Variants in RIPPLY2 observed in about 807,000 individuals in gnomAD.
RIPPLY2 encodes protein ripply2.
Under a neutral mutation model 17.7 loss-of-function variants are expected in RIPPLY2, and 20 were observed. The ratio of observed to expected loss-of-function variants is 1.13; its 90% CI spans 0.79 to 1.64. The LOEUF is 1.64. RIPPLY2 is among the 40% of genes most tolerant of loss of function. RIPPLY2 has a pLI of 0.00. For missense variants in RIPPLY2, 213 were observed against 169.8 expected, an observed-to-expected ratio of 1.25 and a Z score of -1.41; for synonymous variants, 69 against 63.9, an observed-to-expected ratio of 1.08 and a Z score of -0.38.
upstream of RIPPLY2, chr6:83,853,282 G>A: frequency 1.5e-6 from 1 of 657,600 alleles, no homozygotes. Context: ...AGCAGGGAGA[G>A]GGGCGGAGAG....
chr6:83,856,275 T>A (rs1268602778), intron 3 of RIPPLY2: 1 of 152,178 alleles, frequency 6.6e-6, no homozygotes, highest in Non-Finnish European at 1.5e-5. Context: ...AATATAAACT[T>A]TTTTTATGAT....
chr6:83,854,134 AG>A lies in RIPPLY2; in HGVS notation c.213del (p.Lys71AsnfsTer30), dbSNP rs1409458684. On this transcript the variant is annotated frameshift_variant, in exon 3 of 4. Coordinates refer to ENST00000369689, the MANE Select transcript of RIPPLY2 (RefSeq NM_001009994.3). LOFTEE classifies it high-confidence loss of function. ...CCTGGAATGACCGCAGCCTCAGGAAAGCTTTACCAATTCAGGCACCCAGTCA... is the reference window on the plus strand; with the variant it reads ...CCTGGAATGACCGCAGCCTCAGGAAACTTTACCAATTCAGGCACCCAGTCA... ...DGPGMTAASG[K>X]LYQFRHPVRL... 1 of 1,614,038 alleles carries A rather than the reference AG, an allele frequency of 6.2e-7. No homozygotes were observed.
rs2099454627 is a variant in RIPPLY2 at position 83,854,104 on chromosome 6, A to T, written c.182A>T (p.Asp61Val). The change falls in exon 3 of 4, where the codon GAT (aspartate) becomes GTT (valine). Residue 61 changes from aspartate (D) to valine (V), a missense_variant. By Grantham distance (152) the Asp-to-Val change is radical. Coordinates refer to ENST00000369689, the MANE Select transcript of RIPPLY2 (RefSeq NM_001009994.3). ...TPNHAAEAMP[D>V]GPGMTAASGK... ...ACTTCCTTTCCTCTCCAGATGCCCG[A>T]TGGCCCTGGAATGACCGCAGCCTCA... The T allele has an allele frequency of 6.2e-7, 1 of 1,613,980 alleles. No individual in the cohort carries two copies. Among genetic ancestry groups the T allele is most frequent in the Non-Finnish European group, 8.5e-7 (1 of 1,179,902 alleles).
chr6:83,855,541 A>G (rs1417419337), intron 3 of RIPPLY2: 1 of 152,276 alleles, frequency 6.6e-6, no homozygotes, highest in Non-Finnish European at 1.5e-5. Context: ...ATGCTGTACT[A>G]AAAGAATGTA....
chr6:83,853,316 C>A, upstream of RIPPLY2: 1 of 901,672 alleles, frequency 1.1e-6, no homozygotes, highest in Non-Finnish European at 1.7e-6. Flanking sequence ...CAATGTGCAG[C>A]AGGCCGCGAG....
At position 83,854,127 on chromosome 6, in the gene RIPPLY2, T is replaced by C; in HGVS notation, c.205T>C (p.Ser69Pro). The part of the protein sequence containing the change: ...MPDGPGMTAA[S>P]GKLYQFRHPV... ...CGATGGCCCTGGAATGACCGCAGCCTCAGGAAAGCTTTACCAATTCAGGCA... is the reference window on the plus strand; with the variant it reads ...CGATGGCCCTGGAATGACCGCAGCCCCAGGAAAGCTTTACCAATTCAGGCA... Residue 69 changes from serine to proline, a missense_variant, in exon 3 of 4, where the codon TCA becomes CCA. By Grantham distance (74) the Ser-to-Pro change is moderately conservative. Coordinates refer to ENST00000369689, the MANE Select transcript of RIPPLY2 (RefSeq NM_001009994.3). 6.2e-7 allele frequency: 1 copy of C among 1,614,140 alleles called. No individual in the cohort carries two copies.
Position 83,854,396 on chromosome 6 carries a change from C to T in RIPPLY2, c.239+235C>T, listed in dbSNP as rs1270282569. The T allele has an allele frequency of 5.3e-6, 3 of 561,246 alleles. No homozygotes were observed. The East Asian group carries it at 8.7e-5, about 16-fold the overall frequency. The allele number at this position is 561,246 out of a possible 1,614,324, so 34.8% of individuals were successfully genotyped here. Reference sequence around the variant, plus strand: ...CTCAGTGAACTTGATGAATATATTACGAAGAGGGAAAGGGGATGATATGGT... The same window carrying T: ...CTCAGTGAACTTGATGAATATATTATGAAGAGGGAAAGGGGATGATATGGT... On this transcript the variant is annotated intron_variant, in intron 3 of 3. Coordinates refer to ENST00000369689, the MANE Select transcript of RIPPLY2 (RefSeq NM_001009994.3).
In RIPPLY2 at chr6:83,857,267, T is replaced by C. The variant is rs749710972; in HGVS notation, c.265T>C (p.Tyr89His). ...ACTATTTTGGCCAAAATCAAAATGT[T>C]ATGATTACTTATATCAAGAAGCAGA... ...VRLFWPKSKCYDYLYQEAEAL... is the reference protein window; with the variant it reads ...VRLFWPKSKCHDYLYQEAEAL... Residue 89 changes from tyrosine to histidine, a missense_variant, in exon 4 of 4, where the codon TAT (tyrosine) becomes CAT (histidine). Tyr to His is a moderately conservative substitution (Grantham distance 83, BLOSUM62 2). Transcript: ENST00000369689. 6.6e-7 allele frequency: 1 copy of C among 1,522,418 alleles called. No individual in the cohort carries two copies. The highest frequency in any genetic ancestry group is 2.5e-5 in the East Asian group (1 of 40,366). 94.3% of individuals were successfully genotyped at this position (1,522,418 alleles called of 1,614,324 possible). A position where few individuals can be genotyped will look rare whatever the true frequency, so the allele number is the denominator to read the frequency against.
chr6:83,853,324 G>T, upstream of RIPPLY2: 9 of 978,228 alleles, frequency 9.2e-6, no homozygotes, highest in Non-Finnish European at 1.3e-5. Flanking sequence ...AGCAGGCCGC[G>T]AGGGCTATAT....
At position 83,853,689 on chromosome 6, in the gene RIPPLY2, C is replaced by T. The variant is rs772368918; in HGVS notation, c.96-6C>T. 2 of 1,613,428 alleles carry T rather than the reference C, an allele frequency of 1.2e-6. No homozygotes were observed. Among genetic ancestry groups the T allele is most frequent in the East Asian group, 2.2e-5 (1 of 44,874 alleles). On this transcript the variant is annotated splice_region_variant and splice_polypyrimidine_tract_variant and intron_variant, in intron 1 of 3. Coordinates refer to ENST00000369689, the MANE Select transcript of RIPPLY2 (RefSeq NM_001009994.3). ...TCTGCGCGCCTTGTGCTCCCCTATCCCGCAGATACGCAGGCTTCTGGAGAC... is the reference window on the plus strand; with the variant it reads ...TCTGCGCGCCTTGTGCTCCCCTATCTCGCAGATACGCAGGCTTCTGGAGAC...
intron 3 of RIPPLY2, chr6:83,855,606 TATC>T (rs2099454874): frequency 6.6e-6 from 1 of 152,230 alleles, no homozygotes; most frequent in Non-Finnish European, 1.5e-5. Flanking sequence ...GTTTTCCACT[TATC>T]ATATTTAATG....
rs747616891 is a variant in RIPPLY2 at position 83,853,480 on chromosome 6, G to A, written c.64G>A (p.Gly22Ser). The part of the protein sequence containing the change: ...SGAAACAATD[G>S]PTRRAGADSG... ...AGCTGCGGCGTGCGCGGCCACCGAC[G>A]GCCCTACGCGGCGCGCGGGCGCGGA... Residue 22 changes from glycine (G) to serine (S), a missense_variant, in exon 1 of 4, where the codon GGC (glycine) becomes AGC (serine). Coordinates refer to ENST00000369689, the MANE Select transcript of RIPPLY2 (RefSeq NM_001009994.3). 34 of 1,538,652 alleles carry A rather than the reference G, an allele frequency of 2.2e-5. 1 individual carries two copies. In the South Asian group the frequency reaches 3.5e-4, roughly 16 times the overall value.
In RIPPLY2 at chr6:83,853,505, A is replaced by G. The variant is rs2099454519; in HGVS notation, c.89A>G (p.Asp30Gly). 1 of 1,538,460 alleles carries G rather than the reference A, an allele frequency of 6.5e-7. No individual in the cohort carries two copies. The highest frequency in any genetic ancestry group is 8.7e-7 in the Non-Finnish European group (1 of 1,145,412). ...TDGPTRRAGA[D>G]SGYAGFWRPW... ...GGCCCTACGCGGCGCGCGGGCGCGG[A>G]CTCCGGGTAGGCTTCCCCGCGCTGC... Residue 30 changes from aspartate (D) to glycine (G), a missense_variant, in exon 1 of 4, where the codon GAC (aspartate) becomes GGC (glycine). Transcript: ENST00000369689.
At position 83,854,325 on chromosome 6, in the gene RIPPLY2, G is replaced by A; in HGVS notation, c.239+164G>A. The A allele has an allele frequency of 4.7e-6, 3 of 640,230 alleles. No homozygotes were observed. In the South Asian group the frequency reaches 5.4e-5, roughly 11 times the overall value. 39.7% of individuals were successfully genotyped at this position (640,230 alleles called of 1,614,324 possible). A position where few individuals can be genotyped will look rare whatever the true frequency, so the allele number is the denominator to read the frequency against. On this transcript the variant is annotated intron_variant, in intron 3 of 3. Transcript: ENST00000369689. ...CTTCTCACTCATCAAATTGAAAAAG[G>A]TAGGGGCTCACGGTCCCACGTAAAG...
At chr6:83,854,011 C>A in intron 2 of RIPPLY2, 86 bp from the exon 3 acceptor site, 3 of 1,320,060 alleles carry the variant, frequency 2.3e-6, no homozygotes, top group East Asian at 4.6e-5. Flanking sequence ...ACATTCCCAG[C>A]GGGCACGAGG....
intron 1 of RIPPLY2, 54 bp downstream of exon 1, chr6:83,853,565 T>C: frequency 1.3e-6 from 2 of 1,533,380 alleles, no homozygotes; most frequent in Admixed American, 4.4e-5. Flanking sequence ...CTCTCCCTCC[T>C]GCGCCTCCCC....
intron 3 of RIPPLY2, chr6:83,855,361 AAAT>A (rs1390077374): frequency 6.6e-6 from 1 of 152,206 alleles, no homozygotes; most frequent in East Asian, 1.9e-4. Context: ...TTCAGGTAAG[AAAT>A]AATGATGAAC....
chr6:83,854,113 G>C lies in RIPPLY2; in HGVS notation c.191G>C (p.Gly64Ala). The C allele has an allele frequency of 6.2e-7, 1 of 1,614,126 alleles. No homozygotes were observed. Among genetic ancestry groups the C allele is most frequent in the Non-Finnish European group, 8.5e-7 (1 of 1,180,018 alleles). The part of the protein sequence containing the change: ...HAAEAMPDGP[G>A]MTAASGKLYQ... ...CCTCTCCAGATGCCCGATGGCCCTGGAATGACCGCAGCCTCAGGAAAGCTT... is the reference window on the plus strand; with the variant it reads ...CCTCTCCAGATGCCCGATGGCCCTGCAATGACCGCAGCCTCAGGAAAGCTT... The change falls in exon 3 of 4, where the codon GGA (glycine) becomes GCA (alanine). Residue 64 changes from glycine (G) to alanine (A), a missense_variant. Gly to Ala is a moderately conservative substitution (Grantham distance 60). Coordinates refer to ENST00000369689, the MANE Select transcript of RIPPLY2 (RefSeq NM_001009994.3).
intron 3 of RIPPLY2, 95 bp downstream of exon 3, chr6:83,854,256 G>GTCTC (rs61535903): frequency 3.3e-5 from 31 of 935,900 alleles, no homozygotes; most frequent in African/African-American, 8.2e-5. Context: ...TGGTCCTGCA[G>GTCTC]TCTCTCTCTC....
Sources: allele counts gnomAD v4.1 joint callset, GRCh38; gene constraint gnomAD v4.1.1; transcripts MANE v1.5; gene names NCBI Gene and HGNC (gene_info 2026-07-23, HGNC 2026-07-21).